Variants in OLFM4 observed in about 807,000 individuals in gnomAD.
OLFM4 encodes olfactomedin 4, also known as olfactomedin-4.
A neutral mutation model predicts 25.5 loss-of-function variants in OLFM4; 22 were observed. The ratio of observed to expected loss-of-function variants is 0.86; its 90% CI spans 0.62 to 1.23. The LOEUF (loss-of-function observed/expected upper bound fraction) is 1.23. OLFM4 is among the 50% of genes most tolerant of loss of function. OLFM4 has a pLI of 0.00. For missense variants in OLFM4, 594 were observed against 619.4 expected (o/e 0.96, Z 0.44); for synonymous variants, 255 against 237.7 (o/e 1.07, Z -0.67).
chr13:53,033,336 C>T (rs1229106696), intron 1 of OLFM4, among the ~76,000 whole-genome samples: 1 of 152,208 alleles, frequency 6.6e-6, no homozygotes, highest in Non-Finnish European at 1.5e-5. Flanking sequence ...AGCTCATACG[C>T]TATTCACTTT....
intron 2 of OLFM4, among the ~76,000 whole-genome samples, chr13:53,036,563 G>T (rs1172320734): frequency 6.6e-6 from 1 of 152,126 alleles, no homozygotes; most frequent in Non-Finnish European, 1.5e-5. Context: ...AGATAGGGAA[G>T]AAGTGCAGAA....
In OLFM4 at chr13:53,034,652, A is replaced by G. The variant is rs889735497; in HGVS notation, c.357+152A>G. 6 of 724,332 alleles carry G rather than the reference A, an allele frequency of 8.3e-6. No homozygotes were observed. The Admixed American group carries it at 9.0e-5, about 11-fold the overall frequency. 44.9% of individuals were successfully genotyped at this position (724,332 alleles called of 1,614,324 possible). A position where few individuals can be genotyped will look rare whatever the true frequency, so the allele number is the denominator to read the frequency against. On this transcript the variant is annotated intron_variant, in intron 2 of 4. Transcript: ENST00000219022. ...TTAGTATTTATTTTATAGGACACCA[A>G]TGGAGTTCTTATTAAGGCAGGGAAA...
chr13:53,031,279 T>C (rs756286520), intron 1 of OLFM4, among the ~76,000 whole-genome samples: 1 of 152,220 alleles, frequency 6.6e-6, no homozygotes, highest in Non-Finnish European at 1.5e-5. Context: ...CTTGATGAGC[T>C]CTTTGGAAGG....
chr13:53,042,721 C>T (rs1445667883), intron 3 of OLFM4, among the ~76,000 whole-genome samples: 2 of 152,128 alleles, frequency 1.3e-5, no homozygotes, highest in Non-Finnish European at 2.9e-5. Flanking sequence ...ATTCTAGTTA[C>T]GTATTTTAGA....
intron 4 of OLFM4, among the ~76,000 whole-genome samples, chr13:53,047,780 T>G (rs893027046): frequency 6.6e-6 from 1 of 152,174 alleles, no homozygotes; most frequent in Non-Finnish European, 1.5e-5. Context: ...AGTAATTTTT[T>G]GAGAAGTTTA....
In OLFM4 at chr13:53,043,128, A is replaced by G. The variant is rs1475607423; in HGVS notation, c.594A>G (p.Val198=). 6 of 1,607,216 alleles carry G rather than the reference A, an allele frequency of 3.7e-6. No individual in the cohort carries two copies. The highest frequency in any genetic ancestry group is 1.1e-5 in the South Asian group (1 of 89,822). Residue 198 remains valine (V), a synonymous_variant, in exon 4 of 5, where the codon GTA becomes GTG. Transcript: ENST00000219022. ...EVEIRNMTLL[V]EKLETLDKNN... is the part of the protein sequence containing the mutation. ...AGATAAGAAATATGACTCTCTTGGT[A>G]GAGAAGCTTGAGACACTAGACAAAA...
intron 4 of OLFM4, among the ~76,000 whole-genome samples, chr13:53,048,909 A>T (rs1271954820): frequency 1.3e-5 from 2 of 152,198 alleles, no homozygotes; most frequent in African/African-American, 4.8e-5. Context: ...ATGTGTGTTC[A>T]ACTCTTTGGA....
intron 3 of OLFM4, 132 bp downstream of exon 3, chr13:53,042,254 A>G (rs1247919405): frequency 4.0e-6 from 3 of 753,658 alleles, no homozygotes; most frequent in African/African-American, 3.5e-5. Flanking sequence ...GCCACATGGC[A>G]TATCACTATG....
intron 2 of OLFM4, among the ~76,000 whole-genome samples, chr13:53,035,363 A>G (rs1392161842): frequency 2.0e-5 from 3 of 152,032 alleles, no homozygotes; most frequent in African/African-American, 7.2e-5. Context: ...AATGGGGTAC[A>G]TGAGATACCC....
chr13:53,038,656 A>G (rs1186048083), intron 2 of OLFM4, among the ~76,000 whole-genome samples: 1 of 152,224 alleles, frequency 6.6e-6, no homozygotes, highest in East Asian at 1.9e-4. Flanking sequence ...TATTTTCCAG[A>G]AGAAGAAAAA....
chr13:53,034,173 T>G (rs1160109236), intron 1 of OLFM4, among the ~76,000 whole-genome samples, 175 bp from the exon 2 acceptor site: 1 of 151,576 alleles, frequency 6.6e-6, no homozygotes. Flanking sequence ...CGCTGGGTGG[T>G]CCCCACCTGT....
At chr13:53,043,289 A>G in intron 4 of OLFM4, 25 bp downstream of exon 4, 4 of 1,569,092 alleles carry the variant, frequency 2.5e-6, no homozygotes, top group Non-Finnish European at 3.4e-6. Context: ...TTTTTTAACC[A>G]CTTGTGCCAG....
intron 1 of OLFM4, among the ~76,000 whole-genome samples, chr13:53,032,949 C>T (rs2138231128): frequency 6.6e-6 from 1 of 152,254 alleles, no homozygotes; most frequent in East Asian, 1.9e-4. Context: ...GCCAGAGTCA[C>T]TTCTGGCTCT....
Position 53,050,898 on chromosome 13 carries a change from T to A in OLFM4, c.*127T>A. The A allele has an allele frequency of 1.3e-6, 1 of 745,952 alleles. No homozygotes were observed. Among genetic ancestry groups the A allele is most frequent in the Non-Finnish European group, 2.1e-6 (1 of 469,612 alleles). The allele number at this position is 745,952 out of a possible 1,614,324, so 46.2% of individuals were successfully genotyped here. On this transcript the variant is annotated 3_prime_UTR_variant, in exon 5 of 5. Coordinates refer to ENST00000219022, the MANE Select transcript of OLFM4 (RefSeq NM_006418.5). ...GCAGCAATGTTTAGGTGCATAGTTC[T>A]ACCACACTAGAGATCTAGGACATTT...
intron 2 of OLFM4, among the ~76,000 whole-genome samples, chr13:53,039,595 T>G (rs1954677205): frequency 6.6e-6 from 1 of 152,212 alleles, no homozygotes; most frequent in African/African-American, 2.4e-5. Context: ...TTTAAAGTAT[T>G]TGGGAGGATG....
chr13:53,034,313 CT>C (rs1566315643), intron 1 of OLFM4, 34 bp from the exon 2 acceptor site: 1 of 1,601,202 alleles, frequency 6.2e-7, no homozygotes, highest in East Asian at 2.2e-5. Flanking sequence ...CAGATTCCAG[CT>C]TGTTATTGAT....
chr13:53,045,021 G>A (rs17053823), intron 4 of OLFM4, among the ~76,000 whole-genome samples: 1 of 152,164 alleles, frequency 6.6e-6, no homozygotes, highest in African/African-American at 2.4e-5. Context: ...AGGAGAAGAC[G>A]TGGATGGTAA....
At chr13:53,029,848 T>C (rs1316383296) in intron 1 of OLFM4, among the ~76,000 whole-genome samples, 6 of 152,210 alleles carry the variant, frequency 3.9e-5, no homozygotes, top group Non-Finnish European at 8.8e-5. Flanking sequence ...CCGTGGGGGA[T>C]GAGTCCTCTT....
chr13:53,043,345 G>T, intron 4 of OLFM4, 81 bp downstream of exon 4: 1 of 1,040,396 alleles, frequency 9.6e-7, no homozygotes. Flanking sequence ...ATTGGGGATT[G>T]CAATGGTGAA....
Sources: allele counts gnomAD v4.1 joint callset (sites outside exome capture counted in the v4.1 genomes callset), GRCh38; gene constraint gnomAD v4.1.1; transcripts MANE v1.5; gene names NCBI Gene and HGNC (gene_info 2026-07-23, HGNC 2026-07-21).